Variants in MEGF9 observed in about 807,000 individuals in gnomAD.
MEGF9 encodes the protein multiple epidermal growth factor-like domains protein 9.
A neutral mutation model predicts 46.8 loss-of-function variants in MEGF9; 6 were observed. That is an observed-to-expected ratio of 0.13 (90% CI 0.07 to 0.25). The LOEUF (loss-of-function observed/expected upper bound fraction) is 0.25, where lower values mean the gene tolerates loss of function less well. Among genes scored for constraint, MEGF9 ranks in the 10% least tolerant of loss-of-function variants. The pLI, the probability that MEGF9 is intolerant of heterozygous loss-of-function variation, is 1.00. For missense variants in MEGF9, 683 were observed against 792.4 expected, an observed-to-expected ratio of 0.86 and a Z score of 1.66; for synonymous variants, 302 against 330.7, an observed-to-expected ratio of 0.91 and a Z score of 0.94.
At chr9:120,630,512 A>G (rs1295451348) in intron 2 of MEGF9, among the ~76,000 whole-genome samples, 1 of 152,148 alleles carries the variant, frequency 6.6e-6, no homozygotes, top group Non-Finnish European at 1.5e-5. Flanking sequence ...TTCCTTTCCT[A>G]TAGATATACA....
intron 1 of MEGF9, among the ~76,000 whole-genome samples, chr9:120,670,074 G>A (rs2043741849): frequency 6.6e-6 from 1 of 152,136 alleles, no homozygotes; most frequent in African/African-American, 2.4e-5. Context: ...ACAGGATCAT[G>A]TACTCAAATA....
intron 2 of MEGF9, among the ~76,000 whole-genome samples, chr9:120,629,524 G>C (rs2043541332): frequency 6.6e-6 from 1 of 152,206 alleles, no homozygotes; most frequent in African/African-American, 2.4e-5. Flanking sequence ...TGTAATTCCA[G>C]CTACTCGGGA....
intron 2 of MEGF9, among the ~76,000 whole-genome samples, chr9:120,645,248 A>C (rs1186341566): frequency 1.3e-5 from 2 of 152,250 alleles, no homozygotes; most frequent in Non-Finnish European, 2.9e-5. Flanking sequence ...ACCGGCTTAC[A>C]CAATGAGATG....
At chr9:120,649,539 T>C (rs1192670204) in intron 2 of MEGF9, among the ~76,000 whole-genome samples, 1 of 152,234 alleles carries the variant, frequency 6.6e-6, no homozygotes, top group Non-Finnish European at 1.5e-5. Context: ...GGGTTGGTTC[T>C]GCCTTGCACC....
intron 1 of MEGF9, among the ~76,000 whole-genome samples, chr9:120,679,767 G>A (rs563760310): frequency 8.6e-5 from 13 of 151,918 alleles, no homozygotes; most frequent in Admixed American, 5.9e-4. Flanking sequence ...GTGAAACCCC[G>A]TCTCTACTAA....
intron 2 of MEGF9, among the ~76,000 whole-genome samples, chr9:120,654,454 G>A (rs1587985631): frequency 6.6e-6 from 1 of 152,190 alleles, no homozygotes; most frequent in East Asian, 1.9e-4. Flanking sequence ...ATCACCTAGT[G>A]AGATCATAGC....
chr9:120,645,713 A>C (rs1471584958), intron 2 of MEGF9, among the ~76,000 whole-genome samples: 2 of 152,234 alleles, frequency 1.3e-5, no homozygotes, highest in African/African-American at 4.8e-5. Context: ...TCAATTATAT[A>C]AGCTTTCAAC....
At chr9:120,613,271 G>A (rs2043456928) in intron 3 of MEGF9, among the ~76,000 whole-genome samples, 1 of 152,070 alleles carries the variant, frequency 6.6e-6, no homozygotes, top group South Asian at 2.1e-4. Context: ...ACACTAACCA[G>A]ATGGATATAA....
At chr9:120,630,307 T>C (rs1190863842) in intron 2 of MEGF9, among the ~76,000 whole-genome samples, 1 of 152,270 alleles carries the variant, frequency 6.6e-6, no homozygotes, top group Non-Finnish European at 1.5e-5. Context: ...TCACTTAAGA[T>C]AATGTTCTTC....
intron 1 of MEGF9, among the ~76,000 whole-genome samples, chr9:120,667,877 TAGTC>T (rs1369243818): frequency 6.6e-6 from 1 of 152,102 alleles, no homozygotes; most frequent in Non-Finnish European, 1.5e-5. Context: ...ATACAAAAAT[TAGTC>T]AGGCATGGTG....
chr9:120,673,233 A>C (rs1276434590), intron 1 of MEGF9, among the ~76,000 whole-genome samples: 1 of 152,200 alleles, frequency 6.6e-6, no homozygotes, highest in Non-Finnish European at 1.5e-5. Flanking sequence ...AAAAAGATCT[A>C]AAAATATGGA....
intron 3 of MEGF9, among the ~76,000 whole-genome samples, chr9:120,618,668 T>C (rs6478477): frequency 0.037 from 5,689 of 152,106 alleles, 335 homozygotes; most frequent in African/African-American, 0.13. Flanking sequence ...GAGGCCGAGA[T>C]GGGTGGATCA....
chr9:120,713,953 T>C lies in MEGF9; in HGVS notation c.406A>G (p.Thr136Ala). 7.3e-7 allele frequency: 1 copy of C among 1,378,602 alleles called. No individual in the cohort carries two copies. The highest frequency in any genetic ancestry group is 9.4e-7 in the Non-Finnish European group (1 of 1,062,360). 85.4% of individuals were successfully genotyped at this position (1,378,602 alleles called of 1,614,324 possible). A position where few individuals can be genotyped will look rare whatever the true frequency, so the allele number is the denominator to read the frequency against. ...GCGGGTCTGGTCGGCGCCTGAGAGG[T>C]GGTCGAAGTGCGTTCCGCCGCCGGA... ...TPPAAERTST[T>A]SQAPTRPAPT... Residue 136 changes from threonine to alanine, a missense_variant, in exon 1 of 6, where the codon ACC becomes GCC. Around this residue, in one of 2 missense-constraint regions of MEGF9, gnomAD observed 370 missense variants for 371.3 expected, o/e 1.00. Coordinates refer to ENST00000373930, the MANE Select transcript of MEGF9 (RefSeq NM_001080497.3).
intron 2 of MEGF9, among the ~76,000 whole-genome samples, chr9:120,656,024 T>G (rs1473886898): frequency 6.6e-6 from 1 of 152,198 alleles, no homozygotes; most frequent in Non-Finnish European, 1.5e-5. Flanking sequence ...AATTGAGAGA[T>G]AATGAATTCT....
intron 2 of MEGF9, among the ~76,000 whole-genome samples, chr9:120,628,468 G>GGT (rs2043535906): frequency 2.9e-5 from 2 of 69,062 alleles, no homozygotes; most frequent in East Asian, 4.6e-4. Context: ...TCTTGTCGTT[G>GGT]TTTTTTTTTT....
chr9:120,612,612 T>G (rs1286170564), intron 3 of MEGF9, 73 bp from the exon 4 acceptor site: 12 of 1,366,194 alleles, frequency 8.8e-6, no homozygotes, highest in South Asian at 4.2e-5. Context: ...AAATCATGCC[T>G]GCAACAAAAA....
intron 1 of MEGF9, among the ~76,000 whole-genome samples, chr9:120,665,531 C>T (rs2043721088): frequency 6.6e-6 from 1 of 152,072 alleles, no homozygotes; most frequent in Non-Finnish European, 1.5e-5. Context: ...TTCATGAGCT[C>T]GAATTTTTTT....
chr9:120,668,049 C>A (rs1024434910), intron 1 of MEGF9, among the ~76,000 whole-genome samples: 11 of 151,952 alleles, frequency 7.2e-5, no homozygotes, highest in African/African-American at 2.2e-4. Flanking sequence ...AACAAAAAAA[C>A]CAACAAAACT....
At chr9:120,681,441 C>T (rs2043798299) in intron 1 of MEGF9, among the ~76,000 whole-genome samples, 1 of 152,154 alleles carries the variant, frequency 6.6e-6, no homozygotes, top group South Asian at 2.1e-4. Context: ...GCATCCTCTC[C>T]TTAAACAAAA....
Sources: allele counts gnomAD v4.1 joint callset (sites outside exome capture counted in the v4.1 genomes callset), GRCh38; gene constraint gnomAD v4.1.1; regional missense constraint gnomAD v4.1.1; transcripts MANE v1.5; gene names NCBI Gene and HGNC (gene_info 2026-07-23, HGNC 2026-07-21).